Variants in WDPCP observed in about 807,000 individuals in gnomAD.
The protein encoded by WDPCP is WD repeat-containing and planar cell polarity effector protein fritz homolog.
Under a neutral mutation model 93.1 loss-of-function variants are expected in WDPCP, and 71 were observed. The observed-to-expected ratio is 0.76, with a 90% CI of 0.63 to 0.93. WDPCP has a LOEUF of 0.93. WDPCP is among the 40% of genes least tolerant of loss of function. The probability of loss-of-function intolerance (pLI) is 0.00; values close to 1 mark genes in which losing one functional copy is unlikely to be tolerated. For missense variants in WDPCP, 844 were observed against 887.4 expected (o/e 0.95, Z 0.62); for synonymous variants, 315 against 315.0 (o/e 1.00, Z 0.00).
chr2:63,721,345 G>A (rs1669409746), intron 2 of WDPCP, among the ~76,000 whole-genome samples: 1 of 152,120 alleles, frequency 6.6e-6, no homozygotes, highest in Non-Finnish European at 1.5e-5. Context: ...TAACCAACCA[G>A]ACAGCAATCT....
intron 2 of WDPCP, among the ~76,000 whole-genome samples, chr2:63,738,461 C>A (rs940668533): frequency 6.6e-6 from 1 of 151,198 alleles, no homozygotes; most frequent in Non-Finnish European, 1.5e-5. Context: ...TTGATATCAG[C>A]CCAATCCAGA....
chr2:63,470,092 C>G (rs373065755), intron 6 of WDPCP, among the ~76,000 whole-genome samples: 6 of 152,286 alleles, frequency 3.9e-5, no homozygotes, highest in South Asian at 2.1e-4. Context: ...TGTCTCCTTT[C>G]TTCATCTTCC....
At chr2:63,480,418 G>A (rs542290759) in intron 6 of WDPCP, among the ~76,000 whole-genome samples, 3 of 152,064 alleles carry the variant, frequency 2.0e-5, no homozygotes, top group Non-Finnish European at 2.9e-5. Context: ...AAAAGGGCCC[G>A]CATAGCCAAA....
At chr2:63,148,163 A>G (rs543704623) in intron 17 of WDPCP, among the ~76,000 whole-genome samples, 1 of 152,132 alleles carries the variant, frequency 6.6e-6, no homozygotes, top group South Asian at 2.1e-4. Flanking sequence ...TGGAGATACC[A>G]ATTAATGTCT....
the WDPCP span, among the ~76,000 whole-genome samples, chr2:63,840,111 C>CT: frequency 6.6e-6 from 1 of 152,224 alleles, no homozygotes; most frequent in Non-Finnish European, 1.5e-5. Context: ...ATTGAAGGCA[C>CT]TTAAGAGAAG....
chr2:63,513,216 G>A (rs910087236), intron 1 of WDPCP, among the ~76,000 whole-genome samples: 2 of 152,190 alleles, frequency 1.3e-5, no homozygotes, highest in Non-Finnish European at 2.9e-5. Flanking sequence ...ATTATTTACT[G>A]CAGAGAAAAA....
chr2:63,584,454 ATGT>A (rs1708708147), intron 1 of WDPCP, among the ~76,000 whole-genome samples: 1 of 151,578 alleles, frequency 6.6e-6, no homozygotes, highest in African/African-American at 2.4e-5. Flanking sequence ...ATGCTCATCC[ATGT>A]TGGTGTGTAG....
At chr2:63,657,705 A>C (rs1321799620) in intron 2 of WDPCP, among the ~76,000 whole-genome samples, 3 of 152,158 alleles carry the variant, frequency 2.0e-5, no homozygotes, top group Non-Finnish European at 4.4e-5. Flanking sequence ...TTTGTTCCTG[A>C]AAACATTCAG....
chr2:63,259,177 C>A, intron 14 of WDPCP, 130 bp downstream of exon 14: 1 of 775,898 alleles, frequency 1.3e-6, no homozygotes, highest in South Asian at 1.6e-5. Flanking sequence ...CTTAATTCTT[C>A]TTTTTATAAG....
At chr2:63,550,750 TATATATATACACATATATATGTGC>T (rs1394861518) in intron 1 of WDPCP, among the ~76,000 whole-genome samples, 2 of 145,382 alleles carry the variant, frequency 1.4e-5, no homozygotes, top group Non-Finnish European at 3.0e-5. Flanking sequence ...TATGTATGTG[TATATATATACACATATATATGTGC>T]ATATGTACAT....
At chr2:63,576,173 CATT>C (rs1708101723) in intron 1 of WDPCP, among the ~76,000 whole-genome samples, 1 of 152,126 alleles carries the variant, frequency 6.6e-6, no homozygotes, top group African/African-American at 2.4e-5. Flanking sequence ...TCAATTCTGA[CATT>C]ATCTACCTAG....
At chr2:63,207,179 T>A (rs1213099437) in intron 14 of WDPCP, among the ~76,000 whole-genome samples, 1 of 152,224 alleles carries the variant, frequency 6.6e-6, no homozygotes, top group East Asian at 1.9e-4. Flanking sequence ...ATGTTGGCTG[T>A]TTGAATCTCA....
intron 2 of WDPCP, among the ~76,000 whole-genome samples, chr2:63,718,565 C>T (rs1558893338): frequency 6.6e-6 from 1 of 152,076 alleles, no homozygotes; most frequent in East Asian, 1.9e-4. Context: ...TGAGAAATGT[C>T]TCTTCATGTC....
intron 6 of WDPCP, among the ~76,000 whole-genome samples, chr2:63,459,846 G>C (rs927990031): frequency 1.3e-5 from 2 of 151,382 alleles, no homozygotes; most frequent in African/African-American, 4.8e-5. Context: ...GAACTTGGGA[G>C]GGGGAGGTTG....
At chr2:63,634,671 T>C (rs189042884) in intron 3 of WDPCP, among the ~76,000 whole-genome samples, 160 of 152,140 alleles carry the variant, frequency 1.1e-3, no homozygotes, top group African/African-American at 3.6e-3. Context: ...TACAAATATG[T>C]TAAAATTAAA....
At chr2:63,534,971 C>G (rs1448796910) in intron 1 of WDPCP, among the ~76,000 whole-genome samples, 1 of 152,232 alleles carries the variant, frequency 6.6e-6, no homozygotes, top group Non-Finnish European at 1.5e-5. Context: ...CCCCTCGTCT[C>G]AGCCCAAAAT....
intron 2 of WDPCP, among the ~76,000 whole-genome samples, chr2:63,757,784 A>G (rs1445722677): frequency 6.6e-6 from 1 of 152,216 alleles, no homozygotes; most frequent in Non-Finnish European, 1.5e-5. Flanking sequence ...ATTTATTCAC[A>G]TGTTTCTCTT....
At chr2:63,721,896 C>G (rs900642032) in intron 2 of WDPCP, among the ~76,000 whole-genome samples, 2 of 152,218 alleles carry the variant, frequency 1.3e-5, no homozygotes, top group Non-Finnish European at 2.9e-5. Context: ...CGCGCCGCCA[C>G]GCCTGACTGG....
chr2:63,289,043 A>G (rs531801813), intron 13 of WDPCP, among the ~76,000 whole-genome samples: 2 of 152,258 alleles, frequency 1.3e-5, no homozygotes, highest in East Asian at 1.9e-4. Flanking sequence ...CGATATAAAT[A>G]TAAATTTTGA....
Sources: gnomAD v4.1 joint callset for allele counts (sites outside exome capture counted in the v4.1 genomes callset) on GRCh38, gnomAD v4.1.1 for gene constraint, MANE v1.5 for transcripts, NCBI Gene and HGNC (gene_info 2026-07-23, HGNC 2026-07-21) for gene names.